RNASE9: variants seen among roughly 807,000 people sequenced by gnomAD.
RNASE9 encodes the protein ribonuclease A family member 9 (inactive).
For missense variants in RNASE9, 263 were observed against 247.1 expected, an observed-to-expected ratio of 1.06 and a Z score of -0.43; for synonymous variants, 95 against 87.6, an observed-to-expected ratio of 1.08 and a Z score of -0.47.
At chr14:20,558,639 C>T (rs185521690) in exon 3 of RNASE9, 9 of 1,510,626 alleles carry the variant, frequency 6.0e-6, no homozygotes. Context: ...GGAGCCTCTG[C>T]AACATCTTGA....
exon 3 of RNASE9, chr14:20,558,383 A>C (rs560525689): frequency 1.6e-4 from 108 of 686,336 alleles, no homozygotes; most frequent in South Asian, 1.3e-3. Flanking sequence ...AACACATCAG[A>C]AAGTAGAGAC....
chr14:20,558,176 T>C (rs6576271), exon 3 of RNASE9: 64,162 of 351,352 alleles, frequency 0.18, 9,496 homozygotes, highest in African/African-American at 0.52. Context: ...TGAGTTTTCT[T>C]ACCTTACCAG....
exon 3 of RNASE9, chr14:20,556,716 G>A (rs529014375): frequency 1.3e-5 from 21 of 1,613,892 alleles, no homozygotes; most frequent in East Asian, 8.9e-5. Context: ...GCACAAATCT[G>A]TTGTAACAGA....
At chr14:20,556,345 G>C in exon 3 of RNASE9, 1 of 793,244 alleles carries the variant, frequency 1.3e-6, no homozygotes, top group Non-Finnish European at 2.0e-6. Context: ...AAGGAAGGTG[G>C]GTGATTAAAG....
chr14:20,560,009 A>G (rs1260352146), intron 1 of RNASE9, among the ~76,000 whole-genome samples: 1 of 152,126 alleles, frequency 6.6e-6, no homozygotes, highest in Non-Finnish European at 1.5e-5. Context: ...GCAAGTTCTG[A>G]GCCCCAGATC....
intron 1 of RNASE9, among the ~76,000 whole-genome samples, chr14:20,559,946 C>T (rs1334256921): frequency 6.6e-6 from 1 of 152,134 alleles, no homozygotes; most frequent in Admixed American, 6.6e-5. Context: ...CTTAGAATTG[C>T]AGACTGAGAA....
At chr14:20,557,308 G>A in exon 3 of RNASE9, 4 of 443,288 alleles carry the variant, frequency 9.0e-6, no homozygotes, top group East Asian at 3.3e-5. Context: ...AAAGGTGAAA[G>A]GAAGGAGAAT....
chr14:20,556,429 C>T (rs763226177), exon 3 of RNASE9: 1 of 1,530,178 alleles, frequency 6.5e-7, no homozygotes, highest in Admixed American at 1.8e-5. Flanking sequence ...TCCTCCCACC[C>T]TAAGCTCTCA....
exon 3 of RNASE9, chr14:20,558,501 C>T: frequency 7.0e-7 from 1 of 1,421,884 alleles, no homozygotes; most frequent in Non-Finnish European, 9.7e-7. Context: ...CACACTGTCC[C>T]TCCCCTCCCT....
rs1050149834 is a variant in RNASE9, at chr14:20,556,283, C to A, written c.*169G>T. The A allele has an allele frequency of 1.6e-5, 9 of 579,516 alleles. No homozygotes were observed. The African/African-American group carries it at 1.7e-4, about 11-fold the overall frequency. The allele number at this position is 579,516 out of a possible 1,614,324, so 35.9% of individuals were successfully genotyped here. On this transcript the variant is annotated 3_prime_UTR_variant, in exon 3 of 3. Transcript: ENST00000555230. ...CTGCATGAGACCACATCTCAGAGCA[C>A]CGTCTGTGAACCTAGCCTAAGGTGC...
chr14:20,557,038 A>G, exon 3 of RNASE9: 2 of 1,613,196 alleles, frequency 1.2e-6, no homozygotes, highest in South Asian at 2.2e-5. Context: ...AAGCAGGGGC[A>G]GTGGGTGTGT....
At chr14:20,556,709 C>A (rs1883708517) in exon 3 of RNASE9, 2 of 1,613,768 alleles carry the variant, frequency 1.2e-6, no homozygotes, top group East Asian at 2.2e-5. Flanking sequence ...TTACATGGCA[C>A]AAATCTGTTG....
At chr14:20,559,127 T>C (rs1172916763) in intron 2 of RNASE9, among the ~76,000 whole-genome samples, 2 of 152,140 alleles carry the variant, frequency 1.3e-5, no homozygotes, top group African/African-American at 4.8e-5. Context: ...TTTACTGTTT[T>C]TTTTTTTAAG....
At chr14:20,558,674 CG>C in intron 2 of RNASE9, 1 of 1,288,852 alleles carries the variant, frequency 7.8e-7, no homozygotes, top group East Asian at 2.5e-5. Context: ...GGACAGTACA[CG>C]TGTGAAAAGC....
intron 1 of RNASE9, 75 bp from the exon 2 acceptor site, chr14:20,559,708 A>C (rs1303511044): frequency 6.6e-6 from 1 of 152,218 alleles, no homozygotes; most frequent in Non-Finnish European, 1.5e-5. Flanking sequence ...TTGAACAAGG[A>C]ATTTCTTAAT....
exon 3 of RNASE9, chr14:20,556,705 G>A: frequency 1.2e-6 from 2 of 1,613,710 alleles, no homozygotes; most frequent in Non-Finnish European, 1.7e-6. Flanking sequence ...ATTCTTACAT[G>A]GCACAAATCT....
At chr14:20,556,371 T>G in exon 3 of RNASE9, 1 of 1,082,116 alleles carries the variant, frequency 9.2e-7, no homozygotes, top group Non-Finnish European at 1.3e-6. Context: ...GGAAGCAAAA[T>G]TACCATTCTC....
exon 3 of RNASE9, chr14:20,557,348 G>A: frequency 2.6e-6 from 1 of 377,746 alleles, no homozygotes; most frequent in South Asian, 7.6e-5. Context: ...AGGTAAGGAG[G>A]AAGAAAAGGA....
chr14:20,558,266 A>C (rs999138628), exon 3 of RNASE9: 1 of 553,170 alleles, frequency 1.8e-6, no homozygotes, highest in Non-Finnish European at 3.2e-6. Flanking sequence ...TTGATCTATC[A>C]GTGATGGAGA....
Sources: gnomAD v4.1 joint callset for allele counts (sites outside exome capture counted in the v4.1 genomes callset) on GRCh38, gnomAD v4.1.1 for gene constraint, MANE v1.5 for transcripts, NCBI Gene and HGNC (gene_info 2026-07-23, HGNC 2026-07-21) for gene names.